Variants in ZC3H12C observed in about 807,000 individuals in gnomAD.
ZC3H12C encodes the protein zinc finger CCCH-type containing 12C, also known as probable ribonuclease ZC3H12C.
ZC3H12C carries 20 observed loss-of-function variants against 76.3 expected under a neutral mutation model. The ratio of observed to expected loss-of-function variants is 0.26; its 90% CI spans 0.18 to 0.38. ZC3H12C has a LOEUF of 0.38. Among genes scored for constraint, ZC3H12C ranks in the 10% least tolerant of loss-of-function variants. The probability of loss-of-function intolerance (pLI) is 1.00; values close to 1 mark genes in which losing one functional copy is unlikely to be tolerated. For missense variants in ZC3H12C, 874 were observed against 1,086.5 expected (o/e 0.80, Z 2.75); for synonymous variants, 352 against 399.6 (o/e 0.88, Z 1.42).
chr11:110,115,629 C>A (rs1861512123), intron 1 of ZC3H12C, among the ~76,000 whole-genome samples: 1 of 151,414 alleles, frequency 6.6e-6, no homozygotes, highest in Non-Finnish European at 1.5e-5. Context: ...AGGATGGGGT[C>A]TTGCTATGTT....
chr11:110,135,172 T>C (rs1046128543), intron 1 of ZC3H12C, among the ~76,000 whole-genome samples: 1 of 152,116 alleles, frequency 6.6e-6, no homozygotes, highest in Non-Finnish European at 1.5e-5. Context: ...TGTATCTGCG[T>C]AGAATACCAG....
chr11:110,105,058 A>G (rs1010415370), intron 1 of ZC3H12C, among the ~76,000 whole-genome samples: 4 of 152,102 alleles, frequency 2.6e-5, no homozygotes, highest in African/African-American at 9.7e-5. Flanking sequence ...AGTCATCTGT[A>G]CTCATTTCCT....
chr11:110,144,924 T>C lies in ZC3H12C; in HGVS notation c.773+7510T>C, dbSNP rs546022089. 1.5e-4 allele frequency among the ~76,000 whole-genome samples: 23 copies of C among 152,350 alleles called. 1 individual carries two copies. The South Asian group carries it at 4.8e-3, about 32-fold the overall frequency. On this transcript the variant is annotated intron_variant, in intron 2 of 5. Transcript: ENST00000278590. Reference sequence around the variant, plus strand: ...AATTCTAAAATAACCCTTCCTGTTCTGTGGTTAACCTAGTTAATGGTATCT... The same window carrying C: ...AATTCTAAAATAACCCTTCCTGTTCCGTGGTTAACCTAGTTAATGGTATCT...
Position 110,164,357 on chromosome 11 carries a change from T to G in ZC3H12C, c.1272T>G (p.Tyr424Ter). ...QPCPYGKKCT[Y>*]GHKCKYYHPE... ...TCTTCTTAGGAAAGAAGTGTACCTA[T>G]GGACACAAGTGCAAATATTACCATC... Residue 424 changes from tyrosine (Y) to a stop codon, truncating the protein, a stop_gained, in exon 6 of 6, where the codon TAT (tyrosine) becomes TAG (stop). Transcript: ENST00000278590. LOFTEE classifies it high-confidence loss of function. This position sits in a 1 kb window ranked among gnomAD's most constrained non-coding sequence, Gnocchi z 5.7. 1 of 1,611,592 alleles carries G rather than the reference T, an allele frequency of 6.2e-7. No individual in the cohort carries two copies. The highest frequency in any genetic ancestry group is 8.5e-7 in the Non-Finnish European group (1 of 1,178,946).
At position 110,164,226 on chromosome 11, in the gene ZC3H12C, A is replaced by T; in HGVS notation, c.1256-115A>T. 1.1e-6 allele frequency: 1 copy of T among 924,962 alleles called. No homozygotes were observed. The highest frequency in any genetic ancestry group is 1.6e-6 in the Non-Finnish European group (1 of 632,014). The allele number at this position is 924,962 out of a possible 1,614,324, so 57.3% of individuals were successfully genotyped here. ...AAGAGTAAAGAACAGAGTGACACTT[A>T]GCACAGCTCCCATTTCTATCGTTGT... On this transcript the variant is annotated intron_variant, in intron 5 of 5. Coordinates refer to ENST00000278590, the MANE Select transcript of ZC3H12C (RefSeq NM_033390.2). The surrounding 1 kb of genome is among the most constrained non-coding windows in gnomAD (Gnocchi z 5.7).
In ZC3H12C at chr11:110,145,603, G is replaced by C. The variant is rs950007450; in HGVS notation, c.774-7316G>C. The stretch of plus-strand genomic sequence containing the variant: ...CTACAACAAATTACAGAAATTGGGG[G>C]CGGGGGGGAGTTGCAGTGACTCTAG... On this transcript the variant is annotated intron_variant, in intron 2 of 5. Coordinates refer to ENST00000278590, the MANE Select transcript of ZC3H12C (RefSeq NM_033390.2). Among the ~76,000 whole-genome samples the C allele has an allele frequency of 3.9e-4, 59 of 150,110 alleles. 1 individual carries two copies. Among genetic ancestry groups the C allele is most frequent in the African/African-American group, 1.5e-3 (59 of 40,626 alleles).
chr11:110,107,509 C>G (rs1235911131), intron 1 of ZC3H12C, among the ~76,000 whole-genome samples: 4 of 151,910 alleles, frequency 2.6e-5, no homozygotes, highest in African/African-American at 9.7e-5. Flanking sequence ...ACCACTATAC[C>G]CAGCTAATTT....
chr11:110,107,840 T>G (rs1233723301), intron 1 of ZC3H12C, among the ~76,000 whole-genome samples: 59 of 152,132 alleles, frequency 3.9e-4, no homozygotes, highest in Admixed American at 3.9e-3. Flanking sequence ...TTTTTCCATT[T>G]TTTGTAGAGA....
At chr11:110,150,047 A>C (rs1256499370) in intron 2 of ZC3H12C, among the ~76,000 whole-genome samples, 1 of 152,162 alleles carries the variant, frequency 6.6e-6, no homozygotes, top group Admixed American at 6.6e-5. Context: ...ATGTGAGATT[A>C]AAATGCAGTT....
chr11:110,138,978 T>G (rs1329552172), intron 2 of ZC3H12C, among the ~76,000 whole-genome samples: 1 of 152,202 alleles, frequency 6.6e-6, no homozygotes, highest in Non-Finnish European at 1.5e-5. Flanking sequence ...ACTACTATAT[T>G]GGACAATGCA....
At chr11:110,136,080 T>A (rs183928192) in intron 1 of ZC3H12C, 1 of 152,384 alleles carries the variant, frequency 6.6e-6, no homozygotes, top group East Asian at 1.9e-4. Flanking sequence ...TATGTGCTCT[T>A]TCATTGCAGT....
Position 110,166,891 on chromosome 11 carries a change from T to C in ZC3H12C, c.*1154T>C, listed in dbSNP as rs1862594810. On this transcript the variant is annotated 3_prime_UTR_variant, in exon 6 of 6. Coordinates refer to ENST00000278590, the MANE Select transcript of ZC3H12C (RefSeq NM_033390.2). ...TGTAAGATATTGTATATTTTCCATT[T>C]TCCTGAAGGTAGTTTTCTTGGGGGG... 6.6e-6 allele frequency: 1 copy of C among 152,188 alleles called. No homozygotes were observed. The highest frequency in any genetic ancestry group is 1.5e-5 in the Non-Finnish European group (1 of 68,028). 9.4% of individuals were successfully genotyped at this position (152,188 alleles called of 1,614,324 possible).
At position 110,168,095 on chromosome 11, in the gene ZC3H12C, A is replaced by T. The variant is rs1251991322; in HGVS notation, c.*2358A>T. The T allele has an allele frequency of 2.0e-5, 3 of 152,082 alleles. No homozygotes were observed. Among genetic ancestry groups the T allele is most frequent in the Non-Finnish European group, 4.4e-5 (3 of 67,982 alleles). The allele number at this position is 152,082 out of a possible 1,614,324, so 9.4% of individuals were successfully genotyped here. A position where few individuals can be genotyped will look rare whatever the true frequency, so the allele number is the denominator to read the frequency against. On this transcript the variant is annotated 3_prime_UTR_variant, in exon 6 of 6. Transcript: ENST00000278590. Reference sequence around the variant, plus strand: ...ATTCGCCAAATTTTACATTTATTTAAATGAGATCTTAGGTGAGATGTGTGT... The same window carrying T: ...ATTCGCCAAATTTTACATTTATTTATATGAGATCTTAGGTGAGATGTGTGT...
At chr11:110,154,352 A>G (rs1183603116) in intron 3 of ZC3H12C, among the ~76,000 whole-genome samples, 6 of 142,512 alleles carry the variant, frequency 4.2e-5, no homozygotes, top group African/African-American at 1.5e-4. Context: ...GCTGGGTGAC[A>G]CAGTGAGACC....
At chr11:110,152,832 A>G (rs1481824991) in intron 2 of ZC3H12C, 87 bp from the exon 3 acceptor site, 22 of 1,421,700 alleles carry the variant, frequency 1.5e-5, no homozygotes, top group African/African-American at 2.9e-5. Context: ...TGTTGTAACT[A>G]TGTAATACTT....
chr11:110,112,963 T>C (rs1861460200), intron 1 of ZC3H12C, among the ~76,000 whole-genome samples: 1 of 151,396 alleles, frequency 6.6e-6, no homozygotes, highest in African/African-American at 2.4e-5. Context: ...CCCCACTGAA[T>C]CCAGTCTCCT....
chr11:110,122,688 C>A lies in ZC3H12C; in HGVS notation c.22-13975C>A, dbSNP rs574904797. On this transcript the variant is annotated intron_variant, in intron 1 of 5. Coordinates refer to ENST00000278590, the MANE Select transcript of ZC3H12C (RefSeq NM_033390.2). Reference sequence around the variant, plus strand: ...ACAATAAATTACATGAGATAATCAACCTTTATTATAAACTGGGCTTTGTGT... The same window carrying A: ...ACAATAAATTACATGAGATAATCAAACTTTATTATAAACTGGGCTTTGTGT... Among the ~76,000 whole-genome samples the A allele has an allele frequency of 2.6e-5, 4 of 152,274 alleles. No homozygotes were observed. The South Asian group carries it at 8.3e-4, about 32-fold the overall frequency.
intron 1 of ZC3H12C, among the ~76,000 whole-genome samples, chr11:110,112,627 A>G (rs1327667879): frequency 6.6e-6 from 1 of 152,258 alleles, no homozygotes. Flanking sequence ...GAAGAGCCAC[A>G]GAAGTTAACC....
At chr11:110,131,149 G>T in intron 1 of ZC3H12C, 2 of 1,417,096 alleles carry the variant, frequency 1.4e-6, no homozygotes, top group Non-Finnish European at 1.9e-6. Context: ...GTTAAACTTT[G>T]CTAAATATTC....
Sources: allele counts gnomAD v4.1 joint callset (sites outside exome capture counted in the v4.1 genomes callset), GRCh38; gene constraint gnomAD v4.1.1; non-coding constraint Gnocchi (gnomAD v3.1); transcripts MANE v1.5; gene names NCBI Gene and HGNC (gene_info 2026-07-23, HGNC 2026-07-21).